Variants in INTS14 observed in about 807,000 individuals in gnomAD.
INTS14 encodes integrator complex subunit 14.
In INTS14, 27 loss-of-function variants were observed where a neutral mutation model predicts 56.9. That is an observed-to-expected ratio of 0.47 (90% CI 0.35 to 0.65). INTS14 has a LOEUF of 0.65. Ranked by LOEUF, INTS14 falls within the 30% of genes least tolerant of loss-of-function variation. INTS14 has a pLI of 0.00. For synonymous variants in INTS14, 207 were observed against 236.2 expected, an observed-to-expected ratio of 0.88 and a Z score of 1.13; for missense variants, 517 against 632.2, an observed-to-expected ratio of 0.82 and a Z score of 1.95.
intron 3 of INTS14, among the ~76,000 whole-genome samples, chr15:65,600,311 TAAAACAAAACAAAAC>T (rs559547171): frequency 6.7e-6 from 1 of 148,162 alleles, no homozygotes; most frequent in African/African-American, 2.5e-5. Context: ...TCTGTCTTTT[TAAAACAAAACAAAAC>T]AAAACAAAAC....
rs539001227 is a variant in INTS14 at position 65,607,601 on chromosome 15, T to G, written c.-62-159A>C. Reference sequence around the variant, plus strand: ...CTCAGTGAGAGGGAAGTGAGCAGCTTAGTTCATTGTAAGGACCACTCTTAG... The same window carrying G: ...CTCAGTGAGAGGGAAGTGAGCAGCTGAGTTCATTGTAAGGACCACTCTTAG... On this transcript the variant is annotated intron_variant, in intron 1 of 11. Coordinates refer to ENST00000313182, the MANE Select transcript of INTS14 (RefSeq NM_001394796.1). Among the ~76,000 whole-genome samples, 15 of 152,266 alleles carry G rather than the reference T, an allele frequency of 9.9e-5. 1 individual carries two copies. Among genetic ancestry groups the G allele is most frequent in the African/African-American group, 3.6e-4 (15 of 41,552 alleles).
chr15:65,606,950 C>T (rs1051201291), intron 2 of INTS14, among the ~76,000 whole-genome samples: 4 of 152,152 alleles, frequency 2.6e-5, no homozygotes, highest in Non-Finnish European at 4.4e-5. Context: ...AATAAGGGAA[C>T]AACTCACAGC....
intron 11 of INTS14, 109 bp from the exon 12 acceptor site, chr15:65,579,768 T>G (rs2072520725): frequency 7.0e-7 from 1 of 1,424,954 alleles, no homozygotes; most frequent in African/African-American, 1.4e-5. Flanking sequence ...TAGGGAGCAA[T>G]TTTATATGAG....
In INTS14 at chr15:65,591,737, T is replaced by C. The variant is rs73486724; in HGVS notation, c.987-6A>G. 1.6e-3 allele frequency: 2,624 copies of C among 1,613,608 alleles called. 39 individuals are homozygous for C. The African/African-American group carries it at 0.032, about 19-fold the overall frequency. ...GCATTCCATGCCATTCAGGACTAGA[T>C]GGAGAGAAGACGGAAGATCAGAAGA... On this transcript the variant is annotated splice_region_variant and splice_polypyrimidine_tract_variant and intron_variant, in intron 8 of 11. Transcript: ENST00000313182.
At chr15:65,604,323 C>T (rs2073560494) in intron 3 of INTS14, among the ~76,000 whole-genome samples, 1 of 152,144 alleles carries the variant, frequency 6.6e-6, no homozygotes, top group African/African-American at 2.4e-5. Flanking sequence ...ACCTGGTGAT[C>T]CGTCCACCTC....
intron 9 of INTS14, among the ~76,000 whole-genome samples, chr15:65,591,048 G>C (rs1373615354): frequency 6.6e-6 from 1 of 152,130 alleles, no homozygotes; most frequent in Non-Finnish European, 1.5e-5. Context: ...GGTAAGACTA[G>C]AGTTATAGAT....
chr15:65,600,117 C>A (rs1185991033), intron 3 of INTS14, among the ~76,000 whole-genome samples, 188 bp from the exon 4 acceptor site: 1 of 151,016 alleles, frequency 6.6e-6, no homozygotes, highest in Non-Finnish European at 1.5e-5. Flanking sequence ...CCAGCCTGGG[C>A]AACATAAGGA....
At chr15:65,582,276 C>G (rs149817964) in intron 10 of INTS14, among the ~76,000 whole-genome samples, 90 of 152,240 alleles carry the variant, frequency 5.9e-4, no homozygotes, top group African/African-American at 2.1e-3. Flanking sequence ...ACCCATACAT[C>G]TATTGCCAGG....
At chr15:65,595,514 C>T (rs2073179872) in intron 7 of INTS14, among the ~76,000 whole-genome samples, 1 of 152,246 alleles carries the variant, frequency 6.6e-6, no homozygotes, top group Non-Finnish European at 1.5e-5. Context: ...ACTGTCAATT[C>T]ACAAACCAAC....
At position 65,581,399 on chromosome 15, in the gene INTS14, TTAGC is replaced by T. The variant is rs929467948; in HGVS notation, c.1305+551_1305+554del. ...TGTCTCAAAAACAAAAAAACAAAAA[TTAGC>T]TGGGCGTGGTGGCACGTGCCTGTAG... On this transcript the variant is annotated intron_variant, in intron 11 of 11. Coordinates refer to ENST00000313182, the MANE Select transcript of INTS14 (RefSeq NM_001394796.1). 1.0e-4 allele frequency among the ~76,000 whole-genome samples: 14 copies of T among 138,738 alleles called. 1 individual carries two copies. Among genetic ancestry groups the T allele is most frequent in the African/African-American group, 4.0e-4 (14 of 35,024 alleles). The allele number at this position is 138,738 out of a possible 152,430, so 91.0% of individuals were successfully genotyped here.
At chr15:65,600,131 C>T (rs1439839756) in intron 3 of INTS14, among the ~76,000 whole-genome samples, 3 of 151,332 alleles carry the variant, frequency 2.0e-5, no homozygotes, top group African/African-American at 2.4e-5. Flanking sequence ...ATAAGGAGAC[C>T]CCATCTCTAA....
chr15:65,601,030 C>A (rs1206068202), intron 3 of INTS14, among the ~76,000 whole-genome samples: 1 of 152,156 alleles, frequency 6.6e-6, no homozygotes, highest in Non-Finnish European at 1.5e-5. Flanking sequence ...GCACAGTAGT[C>A]TGAACTTTGC....
chr15:65,591,729 G>A lies in INTS14; in HGVS notation c.989C>T (p.Pro330Leu), dbSNP rs371480512. ...GGAGTAGAGCATTCCATGCCATTCAGGACTAGATGGAGAGAAGACGGAAGA... is the reference window on the plus strand; with the variant it reads ...GGAGTAGAGCATTCCATGCCATTCAAGACTAGATGGAGAGAAGACGGAAGA... Reference protein sequence around the residue: ...EGMVAIVQLGPEWHGMLYSQA... With the variant: ...EGMVAIVQLGLEWHGMLYSQA... Residue 330 changes from proline to leucine, a missense_variant and splice_region_variant, in exon 9 of 12, where the codon CCT becomes CTT. Physicochemically the swap from Pro to Leu is moderately conservative, Grantham distance 98. Coordinates refer to ENST00000313182, the MANE Select transcript of INTS14 (RefSeq NM_001394796.1). The A allele has an allele frequency of 1.9e-6, 3 of 1,613,866 alleles. No individual in the cohort carries two copies. Among genetic ancestry groups the A allele is most frequent in the Non-Finnish European group, 1.7e-6 (2 of 1,179,916 alleles).
intron 2 of INTS14, among the ~76,000 whole-genome samples, 186 bp from the exon 3 acceptor site, chr15:65,605,422 G>T (rs1033490012): frequency 6.6e-6 from 1 of 152,208 alleles, no homozygotes; most frequent in Non-Finnish European, 1.5e-5. Context: ...ATAGTTAAAA[G>T]AATTCCATTT....
chr15:65,594,131 C>G (rs777075289), intron 7 of INTS14, among the ~76,000 whole-genome samples: 2 of 152,138 alleles, frequency 1.3e-5, no homozygotes, highest in Non-Finnish European at 2.9e-5. Flanking sequence ...GCATTCATAA[C>G]CAACAGGCTT....
Position 65,581,991 on chromosome 15 carries a change from G to T in INTS14, c.1268C>A (p.Ala423Glu). 6.2e-7 allele frequency: 1 copy of T among 1,611,590 alleles called. No homozygotes were observed. Among genetic ancestry groups the T allele is most frequent in the South Asian group, 1.1e-5 (1 of 90,878 alleles). The stretch of plus-strand genomic sequence containing the variant: ...CTGTGTTTTTTCAGGTAGTTTCCTT[G>T]CATTTCTTAAAATCTTCTGTACATC... ...QTDVQKILRN[A>E]RKLPEKTQTF... is the part of the protein sequence containing the mutation. The change falls in exon 11 of 12, where the codon GCA becomes GAA. Residue 423 changes from alanine to glutamate, a missense_variant. Physicochemically the swap from Ala to Glu is moderately radical, Grantham distance 107. Coordinates refer to ENST00000313182, the MANE Select transcript of INTS14 (RefSeq NM_001394796.1).
chr15:65,605,097 A>G, intron 3 of INTS14, 32 bp downstream of exon 3: 7 of 1,535,574 alleles, frequency 4.6e-6, no homozygotes, highest in African/African-American at 1.4e-5. Context: ...AATGTTGTTA[A>G]CTTAGGGCAA....
chr15:65,582,992 A>C (rs929809928), intron 10 of INTS14, among the ~76,000 whole-genome samples: 2 of 152,180 alleles, frequency 1.3e-5, no homozygotes, highest in African/African-American at 4.8e-5. Context: ...ATACCACTTC[A>C]CACCTACTAT....
Position 65,593,581 on chromosome 15 carries a change from A to C in INTS14, c.842-9T>G. 1 of 1,605,346 alleles carries C rather than the reference A, an allele frequency of 6.2e-7. No homozygotes were observed. The highest frequency in any genetic ancestry group is 8.5e-7 in the Non-Finnish European group (1 of 1,177,200). On this transcript the variant is annotated splice_polypyrimidine_tract_variant and intron_variant, in intron 7 of 11. Coordinates refer to ENST00000313182, the MANE Select transcript of INTS14 (RefSeq NM_001394796.1). ...ACCCACCTCATCACCTTCTGTGAAAAAAAGAGAAAACAGGTCAGACTGAAA... is the reference window on the plus strand; with the variant it reads ...ACCCACCTCATCACCTTCTGTGAAACAAAGAGAAAACAGGTCAGACTGAAA...
Sources: allele counts gnomAD v4.1 joint callset (sites outside exome capture counted in the v4.1 genomes callset), GRCh38; gene constraint gnomAD v4.1.1; transcripts MANE v1.5; gene names NCBI Gene and HGNC (gene_info 2026-07-23, HGNC 2026-07-21).